Variants in MTURN observed in about 807,000 individuals in gnomAD.
MTURN encodes the protein maturin, neural progenitor differentiation regulator homolog.
MTURN carries 7 observed loss-of-function variants against 14.9 expected under a neutral mutation model. That is an observed-to-expected ratio of 0.47 (90% CI 0.27 to 0.88). MTURN has a LOEUF of 0.88. Ranked by LOEUF, MTURN falls within the 40% of genes least tolerant of loss-of-function variation. The pLI, the probability that MTURN is intolerant of heterozygous loss-of-function variation, is 0.14. For synonymous variants in MTURN, 69 were observed against 72.5 expected (o/e 0.95, Z 0.25); for missense variants, 151 against 174.1 (o/e 0.87, Z 0.75).
chr7:30,136,628 A>C (rs1796966924), intron 1 of MTURN, among the ~76,000 whole-genome samples: 1 of 152,026 alleles, frequency 6.6e-6, no homozygotes, highest in African/African-American at 2.4e-5. Flanking sequence ...CTGGCCGATA[A>C]AGCATTCCCT....
At chr7:30,149,998 G>A (rs1164970878) in intron 2 of MTURN, among the ~76,000 whole-genome samples, 1 of 152,200 alleles carries the variant, frequency 6.6e-6, no homozygotes, top group East Asian at 1.9e-4. Context: ...CAGTCATGAA[G>A]AACCCAAGGT....
rs10951262 is a variant in MTURN, at chr7:30,159,283, G to A, written c.*1735G>A. ...TACTGCCCTTTGCAGCCCTGCCTGT[G>A]TTCTGATTGGCTCCATTCATGAGCA... On this transcript the variant is annotated 3_prime_UTR_variant, in exon 3 of 3. Coordinates refer to ENST00000324453, the MANE Select transcript of MTURN (RefSeq NM_152793.3). 35,534 of 152,044 alleles carry A rather than the reference G, an allele frequency of 0.23. 4,697 individuals carry two copies. Among genetic ancestry groups the A allele is most frequent in the East Asian group, 0.51 (2,636 of 5,158 alleles). 9.4% of individuals were successfully genotyped at this position (152,044 alleles called of 1,614,324 possible).
At chr7:30,146,395 T>A (rs1056640008) in intron 2 of MTURN, 96 bp downstream of exon 2, 1 of 1,532,878 alleles carries the variant, frequency 6.5e-7, no homozygotes, top group Non-Finnish European at 8.9e-7. Flanking sequence ...AAACCTGGGA[T>A]GACTAATTGT....
intron 1 of MTURN, among the ~76,000 whole-genome samples, chr7:30,143,351 T>C (rs1797082355): frequency 6.7e-6 from 1 of 149,170 alleles, no homozygotes; most frequent in South Asian, 2.1e-4. Flanking sequence ...TCCCTCCCTT[T>C]GTCCTTTTTT....
intron 2 of MTURN, 75 bp downstream of exon 2, chr7:30,146,374 G>A: frequency 6.3e-7 from 1 of 1,589,386 alleles, no homozygotes; most frequent in Non-Finnish European, 8.6e-7. Context: ...GGGCGGTGGG[G>A]AAGGTGGGCA....
intron 1 of MTURN, among the ~76,000 whole-genome samples, chr7:30,138,947 A>G (rs894818270): frequency 1.3e-5 from 2 of 152,110 alleles, no homozygotes; most frequent in African/African-American, 2.4e-5. Context: ...CTGAGGCCCA[A>G]GAGAAGCCTT....
At chr7:30,146,323 C>A (rs751218428) in intron 2 of MTURN, 24 bp downstream of exon 2, 2 of 1,612,658 alleles carry the variant, frequency 1.2e-6, no homozygotes, top group Non-Finnish European at 1.7e-6. Flanking sequence ...TGGCTTCTCA[C>A]CACAGCTTGT....
rs1188837565 is a variant in MTURN, at chr7:30,161,413, T to A, written c.*3865T>A. 1 of 152,210 alleles carries A rather than the reference T, an allele frequency of 6.6e-6. No homozygotes were observed. Among genetic ancestry groups the A allele is most frequent in the African/African-American group, 2.4e-5 (1 of 41,456 alleles). 9.4% of individuals were successfully genotyped at this position (152,210 alleles called of 1,614,324 possible). On this transcript the variant is annotated 3_prime_UTR_variant, in exon 3 of 3. Coordinates refer to ENST00000324453, the MANE Select transcript of MTURN (RefSeq NM_152793.3). Reference sequence around the variant, plus strand: ...TTGTGTTGGCATGGCTTTGCCACTTTAAAAGTGCCCCCCAGCCAAGGAGAC... The same window carrying A: ...TTGTGTTGGCATGGCTTTGCCACTTAAAAAGTGCCCCCCAGCCAAGGAGAC...
intron 2 of MTURN, among the ~76,000 whole-genome samples, chr7:30,153,017 C>G (rs889136521): frequency 5.9e-5 from 9 of 151,934 alleles, no homozygotes; most frequent in African/African-American, 2.2e-4. Context: ...TCCCAGTCAG[C>G]TGAAAAAAAA....
chr7:30,144,550 G>A (rs530454526), intron 1 of MTURN, among the ~76,000 whole-genome samples: 2 of 152,298 alleles, frequency 1.3e-5, no homozygotes, highest in East Asian at 3.9e-4. Context: ...TGAGCTGTTC[G>A]CTAAAGCTAG....
At chr7:30,149,073 A>C (rs1381990087) in intron 2 of MTURN, among the ~76,000 whole-genome samples, 3 of 152,124 alleles carry the variant, frequency 2.0e-5, no homozygotes, top group African/African-American at 7.2e-5. Flanking sequence ...GGGGAGCTCC[A>C]GCCGGGAGTC....
intron 2 of MTURN, among the ~76,000 whole-genome samples, chr7:30,153,584 C>T (rs1419644629): frequency 1.3e-5 from 2 of 152,098 alleles, no homozygotes; most frequent in Non-Finnish European, 2.9e-5. Flanking sequence ...AGTTACTCAA[C>T]CTCTTCAGGT....
chr7:30,151,602 A>G (rs1416149581), intron 2 of MTURN, among the ~76,000 whole-genome samples: 2 of 152,192 alleles, frequency 1.3e-5, no homozygotes, highest in African/African-American at 4.8e-5. Context: ...AATTCTCTCA[A>G]AGTGTTATGG....
intron 2 of MTURN, among the ~76,000 whole-genome samples, chr7:30,152,928 G>C (rs76572038): frequency 6.6e-6 from 1 of 152,144 alleles, no homozygotes; most frequent in Non-Finnish European, 1.5e-5. Context: ...TGTGATCACC[G>C]ATAGCTCACA....
chr7:30,155,049 C>T (rs762779320), intron 2 of MTURN, among the ~76,000 whole-genome samples: 1 of 152,168 alleles, frequency 6.6e-6, no homozygotes, highest in South Asian at 2.1e-4. Flanking sequence ...GGAACAGAAT[C>T]GCCCATGGTA....
At chr7:30,146,397 A>C (rs889404784) in intron 2 of MTURN, 98 bp downstream of exon 2, 8 of 1,529,052 alleles carry the variant, frequency 5.2e-6, no homozygotes, top group Non-Finnish European at 7.1e-6. Context: ...ACCTGGGATG[A>C]CTAATTGTTT....
chr7:30,155,936 A>C (rs879888432), intron 2 of MTURN, among the ~76,000 whole-genome samples: 14 of 152,160 alleles, frequency 9.2e-5, no homozygotes, highest in Non-Finnish European at 1.9e-4. Flanking sequence ...TCTTCTTTTT[A>C]CTGTCTTGAT....
intron 2 of MTURN, among the ~76,000 whole-genome samples, chr7:30,153,233 C>T (rs554286462): frequency 6.6e-6 from 1 of 152,136 alleles, no homozygotes; most frequent in African/African-American, 2.4e-5. Flanking sequence ...TAGACTTGCC[C>T]ACCATAGGTG....
chr7:30,135,253 C>T lies in MTURN; in HGVS notation c.117C>T (p.Val39=). Residue 39 remains valine, a synonymous_variant, in exon 1 of 3, where the codon GTC becomes GTT. Transcript: ENST00000324453. Reference sequence around the variant, plus strand: ...TGGATTTCTACGCCGACCCCGGCGTCTCCTTCTATGTGCTGTGTCCGGACA... The same window carrying T: ...TGGATTTCTACGCCGACCCCGGCGTTTCCTTCTATGTGCTGTGTCCGGACA... The part of the protein sequence containing the change: ...RRMDFYADPG[V]SFYVLCPDNG... The T allele has an allele frequency of 2.6e-6, 4 of 1,522,454 alleles. No homozygotes were observed. Among genetic ancestry groups the T allele is most frequent in the Non-Finnish European group, 2.6e-6 (3 of 1,133,314 alleles). The allele number at this position is 1,522,454 out of a possible 1,614,324, so 94.3% of individuals were successfully genotyped here.
Sources: gnomAD v4.1 joint callset for allele counts (sites outside exome capture counted in the v4.1 genomes callset) on GRCh38, gnomAD v4.1.1 for gene constraint, MANE v1.5 for transcripts, NCBI Gene and HGNC (gene_info 2026-07-23, HGNC 2026-07-21) for gene names.